The following SAMD13 variants were observed in gnomAD, a reference collection of about 807,000 sequenced individuals.
SAMD13 encodes sterile alpha motif domain containing 13, also known as sterile alpha motif domain-containing protein 13.
Under a neutral mutation model 12.4 loss-of-function variants are expected in SAMD13, and 9 were observed. The observed-to-expected ratio is 0.72, with a 90% confidence interval of 0.44 to 1.26. SAMD13 has a LOEUF of 1.26. Ranked by LOEUF, SAMD13 falls within the 50% of genes most tolerant of loss-of-function variation. SAMD13 has a pLI of 0.00. For missense variants in SAMD13, 84 were observed against 119.6 expected (o/e 0.70, Z 1.39); for synonymous variants, 46 against 45.4 (o/e 1.01, Z -0.05).
chr1:84,307,479 C>T (rs188841983), intron 2 of SAMD13, among the ~76,000 whole-genome samples: 1 of 152,282 alleles, frequency 6.6e-6, no homozygotes, highest in Non-Finnish European at 1.5e-5. Context: ...ATAACTCTCT[C>T]AATCTCCTTG....
chr1:84,311,425 A>G (rs1161202020), intron 2 of SAMD13, among the ~76,000 whole-genome samples: 1 of 152,214 alleles, frequency 6.6e-6, no homozygotes, highest in Non-Finnish European at 1.5e-5. Context: ...AAAATCTTGA[A>G]CAGTACAGCA....
intron 2 of SAMD13, among the ~76,000 whole-genome samples, chr1:84,315,680 G>C (rs1271131018): frequency 6.6e-6 from 1 of 152,150 alleles, no homozygotes; most frequent in African/African-American, 2.4e-5. Flanking sequence ...GTGAATATGG[G>C]AGTACTAATA....
intron 3 of SAMD13, among the ~76,000 whole-genome samples, chr1:84,336,410 G>A (rs1679290435): frequency 6.6e-6 from 1 of 152,160 alleles, no homozygotes; most frequent in Admixed American, 6.5e-5. Flanking sequence ...GGGGAGGGAG[G>A]CCTCACAATC....
At chr1:84,314,885 C>A (rs547140832) in intron 2 of SAMD13, among the ~76,000 whole-genome samples, 1 of 152,162 alleles carries the variant, frequency 6.6e-6, no homozygotes, top group South Asian at 2.1e-4. Context: ...ATGTTGTAAA[C>A]CGTTTTCCAG....
intron 1 of SAMD13, among the ~76,000 whole-genome samples, chr1:84,302,850 T>G (rs1049110285): frequency 1.3e-5 from 2 of 152,080 alleles, no homozygotes; most frequent in African/African-American, 4.8e-5. Context: ...GGGATTGTTT[T>G]TCTCTACTTT....
At chr1:84,344,678 A>C in intron 3 of SAMD13, 1 of 315,054 alleles carries the variant, frequency 3.2e-6, no homozygotes, top group East Asian at 8.1e-5. Flanking sequence ...TTAAAGAAAC[A>C]TGGTGAATTA....
At chr1:84,314,673 TG>T (rs1421893298) in intron 2 of SAMD13, among the ~76,000 whole-genome samples, 1 of 151,910 alleles carries the variant, frequency 6.6e-6, no homozygotes, top group Non-Finnish European at 1.5e-5. Flanking sequence ...AACAGCAATG[TG>T]GAAAGGGGTG....
intron 1 of SAMD13, 54 bp from the exon 2 acceptor site, chr1:84,303,149 T>C (rs1446051570): frequency 7.6e-7 from 1 of 1,323,474 alleles, no homozygotes; most frequent in African/African-American, 1.5e-5. Flanking sequence ...AGAATATATA[T>C]TCTTCTCTCA....
chr1:84,347,910 C>T (rs1679566076), intron 3 of SAMD13, among the ~76,000 whole-genome samples: 1 of 152,136 alleles, frequency 6.6e-6, no homozygotes, highest in South Asian at 2.1e-4. Context: ...GAATTTTCTG[C>T]TCTTTGTACT....
chr1:84,301,301 C>T (rs780535129), upstream of SAMD13, among the ~76,000 whole-genome samples: 3 of 152,218 alleles, frequency 2.0e-5, no homozygotes, highest in African/African-American at 7.2e-5. Context: ...TCCGAGTGTT[C>T]TCTGGTTATA....
chr1:84,349,785 T>C lies in SAMD13; in HGVS notation c.*11T>C, dbSNP rs17131617. 60,277 of 1,594,788 alleles carry C rather than the reference T, an allele frequency of 0.038. 1,456 individuals carry two copies. Among genetic ancestry groups the C allele is most frequent in the South Asian group, 0.081 (7,096 of 88,140 alleles). On this transcript the variant is annotated 3_prime_UTR_variant, in exon 4 of 4. Coordinates refer to ENST00000394834, the MANE Select transcript of SAMD13 (RefSeq NM_001134663.2). ...AACAACTCTTCATAGTACAGTCAAA[T>C]TGGGGTCTTCGACCTCAAAAAATAC...
chr1:84,329,072 T>C (rs1679121509), intron 3 of SAMD13, among the ~76,000 whole-genome samples: 1 of 151,972 alleles, frequency 6.6e-6, no homozygotes. Flanking sequence ...GGAGGTGGGA[T>C]CTTTGGGAGG....
chr1:84,316,710 T>C (rs1339105385), intron 2 of SAMD13, among the ~76,000 whole-genome samples: 2 of 152,164 alleles, frequency 1.3e-5, no homozygotes, highest in African/African-American at 4.8e-5. Flanking sequence ...TCTTTTCTGG[T>C]TCAATATGAA....
intron 3 of SAMD13, chr1:84,345,353 A>T (rs1417673833): frequency 2.6e-6 from 1 of 390,892 alleles, no homozygotes; most frequent in Non-Finnish European, 5.1e-6. Flanking sequence ...GAAAGACTGA[A>T]TTGGTGTTTG....
At chr1:84,332,562 C>T (rs962219478) in intron 3 of SAMD13, among the ~76,000 whole-genome samples, 2 of 151,974 alleles carry the variant, frequency 1.3e-5, no homozygotes, top group East Asian at 3.9e-4. Flanking sequence ...TGTCCTTTGC[C>T]CAATATGTAA....
intron 3 of SAMD13, among the ~76,000 whole-genome samples, chr1:84,331,325 T>A (rs1679176563): frequency 1.7e-4 from 1 of 5,956 alleles, no homozygotes; most frequent in Non-Finnish European, 8.2e-4. Flanking sequence ...CAGCCCTCCT[T>A]GGTAAAAAAA....
At chr1:84,307,005 G>A (rs902939044) in intron 2 of SAMD13, among the ~76,000 whole-genome samples, 3 of 151,836 alleles carry the variant, frequency 2.0e-5, no homozygotes, top group African/African-American at 7.3e-5. Context: ...AAGCAATTTG[G>A]TTATGAGACT....
intron 3 of SAMD13, among the ~76,000 whole-genome samples, chr1:84,335,480 G>A (rs567594055): frequency 6.6e-6 from 1 of 152,098 alleles, no homozygotes; most frequent in South Asian, 2.1e-4. Flanking sequence ...ATACAGTTGG[G>A]TCTTGCTTCT....
At chr1:84,329,205 C>T (rs1344202903) in intron 3 of SAMD13, among the ~76,000 whole-genome samples, 1 of 152,034 alleles carries the variant, frequency 6.6e-6, no homozygotes, top group Non-Finnish European at 1.5e-5. Flanking sequence ...AGAAGACAGC[C>T]TTCTACAAGC....
Sources: gnomAD v4.1 joint callset for allele counts (sites outside exome capture counted in the v4.1 genomes callset) on GRCh38, gnomAD v4.1.1 for gene constraint, MANE v1.5 for transcripts, NCBI Gene and HGNC (gene_info 2026-07-23, HGNC 2026-07-21) for gene names.